Variants in RNF121 observed in about 807,000 individuals in gnomAD.
RNF121 encodes ring finger protein 121.
Under a neutral mutation model 46.5 loss-of-function variants are expected in RNF121, and 21 were observed. The observed-to-expected ratio is 0.45, with a 90% CI of 0.32 to 0.65. RNF121 has a LOEUF of 0.65. Ranked by LOEUF, RNF121 falls within the 30% of genes least tolerant of loss-of-function variation. RNF121 has a pLI of 0.04. For missense variants in RNF121, 346 were observed against 416.0 expected (o/e 0.83, Z 1.46); for synonymous variants, 139 against 144.7 (o/e 0.96, Z 0.28).
chr11:71,941,930 ATTT>A (rs35553015), intron 1 of RNF121, among the ~76,000 whole-genome samples: 16 of 102,696 alleles, frequency 1.6e-4, no homozygotes, highest in Non-Finnish European at 1.5e-4. Context: ...TGTAATGAGA[ATTT>A]TTTTTTTTTT....
chr11:71,967,451 G>C lies in RNF121; in HGVS notation c.243+6560G>C, dbSNP rs1245045559. Among the ~76,000 whole-genome samples the C allele has an allele frequency of 2.1e-5, 3 of 142,776 alleles. No individual in the cohort carries two copies. In the Admixed American group the frequency reaches 2.2e-4, roughly 11 times the overall value. The allele number at this position is 142,776 out of a possible 152,430, so 93.7% of individuals were successfully genotyped here. A position where few individuals can be genotyped will look rare whatever the true frequency, so the allele number is the denominator to read the frequency against. ...TGCAATCTCTGCCTTCTGGGTTCAA[G>C]CGATTCTTCTGCCTCAGCCTCCCAA... On this transcript the variant is annotated intron_variant, in intron 3 of 8. Transcript: ENST00000361756.
chr11:71,983,055 A>G, intron 4 of RNF121, 140 bp downstream of exon 4: 1 of 662,852 alleles, frequency 1.5e-6, no homozygotes, highest in East Asian at 3.3e-5. Context: ...CTCTAAAACA[A>G]GCTGATTGGT....
At chr11:71,975,064 A>G (rs1954501456) in intron 3 of RNF121, among the ~76,000 whole-genome samples, 2 of 152,168 alleles carry the variant, frequency 1.3e-5, no homozygotes, top group South Asian at 4.1e-4. Context: ...TACCAAATAT[A>G]GTATCTCTTC....
chr11:71,942,313 TGAG>T (rs1018020118), intron 1 of RNF121, among the ~76,000 whole-genome samples: 32 of 152,222 alleles, frequency 2.1e-4, no homozygotes, highest in Admixed American at 5.2e-4. Context: ...CTGGCTGCTT[TGAG>T]AAGAATGGAT....
At chr11:71,979,675 T>C (rs1954604412) in intron 3 of RNF121, among the ~76,000 whole-genome samples, 2 of 152,240 alleles carry the variant, frequency 1.3e-5, no homozygotes, top group African/African-American at 4.8e-5. Flanking sequence ...CTGCAGCTCA[T>C]GTAGAGAAAA....
Position 71,990,729 on chromosome 11 carries a change from C to T in RNF121, c.627+12C>T, listed in dbSNP as rs148968024. ...CATCTACCATAGGGGTAAGTTCATC[C>T]GGGTTCTTAAATACTGCTTCTTGAC... On this transcript the variant is annotated intron_variant, in intron 6 of 8. Coordinates refer to ENST00000361756, the MANE Select transcript of RNF121 (RefSeq NM_018320.5). 1,990 of 1,612,432 alleles carry T rather than the reference C, an allele frequency of 1.2e-3. 2 individuals carry two copies. The highest frequency in any genetic ancestry group is 1.3e-3 in the Non-Finnish European group (1,523 of 1,179,492).
intron 1 of RNF121, among the ~76,000 whole-genome samples, chr11:71,942,787 T>TATATATATATATATATATATATATAG: frequency 6.9e-6 from 1 of 144,948 alleles, no homozygotes; most frequent in East Asian, 2.0e-4. Flanking sequence ...TATATATATA[T>TATATATATATATATATATATATATAG]ATAGATATAT....
intron 6 of RNF121, among the ~76,000 whole-genome samples, chr11:71,994,080 T>A (rs1299337572): frequency 6.6e-6 from 1 of 152,126 alleles, no homozygotes; most frequent in Non-Finnish European, 1.5e-5. Flanking sequence ...GACCTCGTGA[T>A]CCGCCCTCCT....
At chr11:71,945,450 A>G (rs1019306391) in intron 1 of RNF121, among the ~76,000 whole-genome samples, 2 of 152,196 alleles carry the variant, frequency 1.3e-5, no homozygotes, top group African/African-American at 4.8e-5. Flanking sequence ...TGTTTGTTCA[A>G]GAGAGAATTA....
intron 1 of RNF121, among the ~76,000 whole-genome samples, chr11:71,937,389 T>C (rs993614313): frequency 2.0e-5 from 3 of 152,176 alleles, no homozygotes; most frequent in African/African-American, 4.8e-5. Flanking sequence ...CTTGGCTCAC[T>C]GCAACCTCCG....
chr11:71,932,565 C>G (rs1198116263), intron 1 of RNF121, among the ~76,000 whole-genome samples: 3 of 152,152 alleles, frequency 2.0e-5, no homozygotes, highest in Non-Finnish European at 4.4e-5. Context: ...TTCAAAAGAG[C>G]ATTTTGAATC....
chr11:71,993,056 A>AT, intron 6 of RNF121, among the ~76,000 whole-genome samples: 1 of 152,172 alleles, frequency 6.6e-6, no homozygotes. Context: ...GAATATTCTA[A>AT]TTTTTTCTCT....
At chr11:71,944,318 G>A (rs528149330) in intron 1 of RNF121, among the ~76,000 whole-genome samples, 3 of 152,268 alleles carry the variant, frequency 2.0e-5, no homozygotes, top group African/African-American at 7.2e-5. Context: ...GGGCAACAGA[G>A]CGAGACTCTG....
intron 1 of RNF121, among the ~76,000 whole-genome samples, chr11:71,956,477 G>T (rs1243239464): frequency 3.9e-5 from 6 of 152,200 alleles, no homozygotes; most frequent in Admixed American, 2.6e-4. Context: ...AATATCAGTA[G>T]TGCCAAGGTT....
At chr11:71,949,652 G>T (rs1953815034) in intron 1 of RNF121, among the ~76,000 whole-genome samples, 1 of 151,940 alleles carries the variant, frequency 6.6e-6, no homozygotes, top group Non-Finnish European at 1.5e-5. Flanking sequence ...GGAGACCAAG[G>T]TTGTGCCACT....
intron 2 of RNF121, among the ~76,000 whole-genome samples, chr11:71,957,481 A>G (rs955129547): frequency 2.6e-5 from 4 of 152,220 alleles, no homozygotes; most frequent in African/African-American, 4.8e-5. Context: ...CTGGGTTTCA[A>G]TACCATTTCT....
At chr11:71,964,340 C>T (rs1954217285) in intron 3 of RNF121, among the ~76,000 whole-genome samples, 1 of 152,056 alleles carries the variant, frequency 6.6e-6, no homozygotes, top group Admixed American at 6.6e-5. Context: ...TTCAACTGAT[C>T]GTTTTGTGTT....
chr11:71,936,954 A>C (rs1184683960), intron 1 of RNF121, among the ~76,000 whole-genome samples: 1 of 152,246 alleles, frequency 6.6e-6, no homozygotes, highest in Non-Finnish European at 1.5e-5. Flanking sequence ...GATTCTGTTA[A>C]GGATAAAGGG....
intron 3 of RNF121, among the ~76,000 whole-genome samples, chr11:71,975,290 G>A (rs1432175031): frequency 1.3e-5 from 2 of 152,224 alleles, no homozygotes; most frequent in Non-Finnish European, 2.9e-5. Context: ...ACAAAAACTT[G>A]TAGCTGTGGT....
Sources: gnomAD v4.1 joint callset for allele counts (sites outside exome capture counted in the v4.1 genomes callset) on GRCh38, gnomAD v4.1.1 for gene constraint, MANE v1.5 for transcripts, NCBI Gene and HGNC (gene_info 2026-07-23, HGNC 2026-07-21) for gene names.